Variants in PPP6R3 observed in about 807,000 individuals in gnomAD.
The protein encoded by PPP6R3 is serine/threonine-protein phosphatase 6 regulatory subunit 3.
PPP6R3 carries 38 observed loss-of-function variants against 110.7 expected under a neutral mutation model. That is an observed-to-expected ratio of 0.34 (90% confidence interval 0.26 to 0.45). The LOEUF (loss-of-function observed/expected upper bound fraction) is 0.45. Ranked by LOEUF, PPP6R3 falls within the 20% of genes least tolerant of loss-of-function variation. The pLI is 1.00. For missense variants in PPP6R3, 870 were observed against 1,062.4 expected (o/e 0.82, Z 2.52); for synonymous variants, 369 against 373.5 (o/e 0.99, Z 0.14).
chr11:68,528,006 G>T (rs553782924), intron 2 of PPP6R3, among the ~76,000 whole-genome samples: 57 of 152,310 alleles, frequency 3.7e-4, no homozygotes, highest in African/African-American at 1.4e-3. Flanking sequence ...TTTTGGCCAG[G>T]TTGTCCTCCC....
intron 1 of PPP6R3, among the ~76,000 whole-genome samples, chr11:68,489,964 C>T (rs933290755): frequency 2.0e-5 from 3 of 152,126 alleles, no homozygotes; most frequent in Admixed American, 2.0e-4. Context: ...AGGAAGCATA[C>T]TTAATCGAGT....
At chr11:68,536,047 T>C (rs1162929867) in intron 2 of PPP6R3, among the ~76,000 whole-genome samples, 2 of 152,290 alleles carry the variant, frequency 1.3e-5, no homozygotes, top group East Asian at 3.9e-4. Context: ...TTGCCTATCC[T>C]GTGAAGTGGA....
intron 18 of PPP6R3, among the ~76,000 whole-genome samples, chr11:68,595,000 A>G (rs1440010093): frequency 6.6e-6 from 1 of 152,134 alleles, no homozygotes; most frequent in Non-Finnish European, 1.5e-5. Context: ...TGGTGCTGGA[A>G]CCATCAGGCA....
In PPP6R3 at chr11:68,538,848, G is replaced by C. The variant is rs148637769; in HGVS notation, c.227+957G>C. On this transcript the variant is annotated intron_variant, in intron 3 of 23. Transcript: ENST00000393800. Reference sequence around the variant, plus strand: ...TAAAAGAGGAGGAAAGGCTGGGCGCGGTGGCTCATGCCTGTAATCCCAGCA... The same window carrying C: ...TAAAAGAGGAGGAAAGGCTGGGCGCCGTGGCTCATGCCTGTAATCCCAGCA... Among the ~76,000 whole-genome samples the C allele has an allele frequency of 6.3e-4, 96 of 152,298 alleles. 2 individuals are homozygous for C. The highest frequency in any genetic ancestry group is 6.1e-3 in the Admixed American group (93 of 15,302).
intron 2 of PPP6R3, among the ~76,000 whole-genome samples, chr11:68,533,057 T>C (rs753826381): frequency 1.6e-4 from 25 of 152,354 alleles, no homozygotes; most frequent in Middle Eastern, 3.4e-3. Context: ...TTCTGACTTT[T>C]TGGTTTTTCT....
chr11:68,494,051 C>T (rs1048890078), intron 1 of PPP6R3, among the ~76,000 whole-genome samples: 6 of 145,914 alleles, frequency 4.1e-5, no homozygotes, highest in African/African-American at 1.0e-4. Context: ...TGCAGTGGGC[C>T]GAGATTGCGC....
chr11:68,479,878 A>G (rs778494180), intron 1 of PPP6R3, among the ~76,000 whole-genome samples: 8 of 151,948 alleles, frequency 5.3e-5, no homozygotes, highest in Admixed American at 1.3e-4. Context: ...AGCTGGAACT[A>G]CAGGTGCAAG....
intron 2 of PPP6R3, among the ~76,000 whole-genome samples, chr11:68,531,922 A>C (rs1186964455): frequency 6.6e-6 from 1 of 152,206 alleles, no homozygotes. Flanking sequence ...GAGGATTTGT[A>C]TATTTGATGA....
chr11:68,477,636 A>G lies in PPP6R3; in HGVS notation c.-158+16809A>G, dbSNP rs112990990. Reference sequence around the variant, plus strand: ...AGCTACTCAGGAGACTGAGGTGGGAAGATCTGCTTGAGCCCAAGAGGTCGA... The same window carrying G: ...AGCTACTCAGGAGACTGAGGTGGGAGGATCTGCTTGAGCCCAAGAGGTCGA... On this transcript the variant is annotated intron_variant, in intron 1 of 23. Coordinates refer to ENST00000393800, the MANE Select transcript of PPP6R3 (RefSeq NM_001164161.2). Among the ~76,000 whole-genome samples the G allele has an allele frequency of 8.9e-3, 1,339 of 150,492 alleles. 20 individuals are homozygous for G. Among genetic ancestry groups the G allele is most frequent in the African/African-American group, 0.031 (1,283 of 40,826 alleles).
intron 19 of PPP6R3, among the ~76,000 whole-genome samples, chr11:68,600,052 G>A (rs1314824145): frequency 6.6e-6 from 1 of 152,170 alleles, no homozygotes; most frequent in African/African-American, 2.4e-5. Flanking sequence ...AACCCGGGAG[G>A]CGGAGCTTGC....
At chr11:68,581,392 G>A (rs1000234498) in intron 14 of PPP6R3, among the ~76,000 whole-genome samples, 3 of 152,218 alleles carry the variant, frequency 2.0e-5, no homozygotes, top group Non-Finnish European at 4.4e-5. Context: ...GCGAAAGTGT[G>A]AATGAGGATA....
At chr11:68,575,021 C>G (rs2099525077) in intron 13 of PPP6R3, among the ~76,000 whole-genome samples, 2 of 152,186 alleles carry the variant, frequency 1.3e-5, no homozygotes, top group Admixed American at 6.5e-5. Context: ...ACAGTTGTCA[C>G]CAGGGATGGA....
At chr11:68,569,569 A>G (rs1489840830) in intron 10 of PPP6R3, among the ~76,000 whole-genome samples, 179 bp from the exon 11 acceptor site, 1 of 152,228 alleles carries the variant, frequency 6.6e-6, no homozygotes, top group East Asian at 1.9e-4. Context: ...AACTGAAACC[A>G]CAGAAAATGA....
chr11:68,556,422 G>C (rs1244172112), intron 7 of PPP6R3, among the ~76,000 whole-genome samples: 2 of 151,406 alleles, frequency 1.3e-5, no homozygotes, highest in Non-Finnish European at 2.9e-5. Context: ...TTTAAAAACA[G>C]TTATGTTAGA....
intron 23 of PPP6R3, among the ~76,000 whole-genome samples, chr11:68,610,913 G>A (rs1275172798): frequency 6.6e-6 from 1 of 151,522 alleles, no homozygotes; most frequent in African/African-American, 2.4e-5. Flanking sequence ...AACCAGCAGG[G>A]AGCACTCTTT....
chr11:68,489,963 A>G (rs1234137149), intron 1 of PPP6R3, among the ~76,000 whole-genome samples: 1 of 152,148 alleles, frequency 6.6e-6, no homozygotes, highest in African/African-American at 2.4e-5. Context: ...AAGGAAGCAT[A>G]CTTAATCGAG....
chr11:68,467,184 T>TA (rs1215769307), intron 1 of PPP6R3, among the ~76,000 whole-genome samples: 1 of 152,256 alleles, frequency 6.6e-6, no homozygotes, highest in Non-Finnish European at 1.5e-5. Flanking sequence ...TGACTGAACT[T>TA]ATGCAATTAA....
intron 1 of PPP6R3, among the ~76,000 whole-genome samples, chr11:68,461,277 C>T (rs1465574922): frequency 6.6e-6 from 1 of 152,160 alleles, no homozygotes; most frequent in East Asian, 1.9e-4. Context: ...CAAGTTGAGG[C>T]AGCAACTCGC....
intron 3 of PPP6R3, among the ~76,000 whole-genome samples, chr11:68,542,332 A>G (rs1240847978): frequency 2.4e-5 from 3 of 126,542 alleles, no homozygotes; most frequent in Non-Finnish European, 4.9e-5. Context: ...CCTATGGAGG[A>G]GGAGGGGTCT....
Sources: gnomAD v4.1 joint callset for allele counts (sites outside exome capture counted in the v4.1 genomes callset) on GRCh38, gnomAD v4.1.1 for gene constraint, MANE v1.5 for transcripts, NCBI Gene and HGNC (gene_info 2026-07-23, HGNC 2026-07-21) for gene names.